The following SLC4A4 variants were observed in gnomAD, a reference collection of about 807,000 sequenced individuals.
SLC4A4 encodes electrogenic sodium bicarbonate cotransporter 1.
A neutral mutation model predicts 111.5 loss-of-function variants in SLC4A4; 27 were observed. That is an observed-to-expected ratio of 0.24 (90% CI 0.18 to 0.33). The LOEUF is 0.33. Among genes scored for constraint, SLC4A4 ranks in the 10% least tolerant of loss-of-function variants. SLC4A4 has a pLI of 1.00. For synonymous variants in SLC4A4, 443 were observed against 463.4 expected (o/e 0.96, Z 0.57); for missense variants, 909 against 1,315.5 (o/e 0.69, Z 4.78).
intron 7 of SLC4A4, among the ~76,000 whole-genome samples, chr4:71,420,018 G>C (rs554985087): frequency 6.6e-6 from 1 of 152,186 alleles, no homozygotes; most frequent in African/African-American, 2.4e-5. Flanking sequence ...AGAGAAGAAG[G>C]CTTCAGACGA....
intron 2 of SLC4A4, among the ~76,000 whole-genome samples, chr4:71,179,324 T>C (rs1745207280): frequency 6.6e-6 from 1 of 152,152 alleles, no homozygotes; most frequent in Non-Finnish European, 1.5e-5. Flanking sequence ...TCACCACTCC[T>C]ATTCAACATA....
At chr4:71,420,232 A>G (rs1722305711) in intron 7 of SLC4A4, among the ~76,000 whole-genome samples, 1 of 152,228 alleles carries the variant, frequency 6.6e-6, no homozygotes, top group African/African-American at 2.4e-5. Flanking sequence ...AAGAAAGGGT[A>G]TCAGTGATGG....
chr4:71,439,126 A>G (rs373176672), intron 7 of SLC4A4, among the ~76,000 whole-genome samples: 12 of 152,124 alleles, frequency 7.9e-5, no homozygotes, highest in Middle Eastern at 6.8e-3. Context: ...GTCCACTGTA[A>G]CAGCTCTTGT....
intron 18 of SLC4A4, among the ~76,000 whole-genome samples, chr4:71,536,485 T>TATATATATATATATATATATATA (rs760037325): frequency 1.2e-5 from 1 of 84,032 alleles, no homozygotes; most frequent in African/African-American, 5.0e-5. Context: ...TATATATATA[T>TATATATATATATATATATATATA]ATGTATATAT....
At chr4:71,467,757 A>G (rs1727508853) in intron 13 of SLC4A4, among the ~76,000 whole-genome samples, 1 of 152,132 alleles carries the variant, frequency 6.6e-6, no homozygotes, top group Non-Finnish European at 1.5e-5. Flanking sequence ...TTCAAAATCA[A>G]ATTGGGTATT....
chr4:71,130,406 T>G (rs1341308119), intron 2 of SLC4A4, among the ~76,000 whole-genome samples: 1 of 152,116 alleles, frequency 6.6e-6, no homozygotes, highest in Admixed American at 6.5e-5. Context: ...TTAATTTTGT[T>G]TTTTAAATTT....
chr4:71,140,225 G>T (rs1304709165), intron 2 of SLC4A4, among the ~76,000 whole-genome samples: 2 of 152,166 alleles, frequency 1.3e-5, no homozygotes, highest in African/African-American at 2.4e-5. Flanking sequence ...TTCAAGACCA[G>T]CCTGGGCAAC....
At chr4:71,480,956 A>G (rs1461972941) in intron 14 of SLC4A4, among the ~76,000 whole-genome samples, 3 of 151,796 alleles carry the variant, frequency 2.0e-5, no homozygotes, top group Non-Finnish European at 4.4e-5. Flanking sequence ...CCCAGGGACA[A>G]GGTCTGCTTT....
At chr4:71,140,842 A>T (rs945620170) in intron 2 of SLC4A4, among the ~76,000 whole-genome samples, 1 of 152,086 alleles carries the variant, frequency 6.6e-6, no homozygotes, top group Non-Finnish European at 1.5e-5. Flanking sequence ...GATTGCAAAG[A>T]CTCCTAAGCT....
At chr4:71,450,837 A>G (rs760473267) in intron 10 of SLC4A4, among the ~76,000 whole-genome samples, 4 of 152,242 alleles carry the variant, frequency 2.6e-5, no homozygotes, top group African/African-American at 7.2e-5. Flanking sequence ...GACCCCCTGT[A>G]TATCTGGAAA....
Position 71,255,202 on chromosome 4 carries a change from T to C in SLC4A4, c.74-18T>C, listed in dbSNP as rs779490105. On this transcript the variant is annotated intron_variant, in intron 2 of 25. Transcript: ENST00000264485. ...GAATGTGGTTTGAACTGACTGGTGA[T>C]TTGTGTACCTTCCTTAGGCCACCAT... The C allele has an allele frequency of 6.2e-7, 1 of 1,612,462 alleles. No individual in the cohort carries two copies. Among genetic ancestry groups the C allele is most frequent in the Non-Finnish European group, 8.5e-7 (1 of 1,178,732 alleles).
At chr4:71,530,521 T>G (rs1419148950) in intron 16 of SLC4A4, among the ~76,000 whole-genome samples, 5 of 152,176 alleles carry the variant, frequency 3.3e-5, no homozygotes, top group Admixed American at 3.3e-4. Context: ...CTATTGGTTC[T>G]TAACATTATT....
intron 1 of SLC4A4, among the ~76,000 whole-genome samples, chr4:71,201,471 G>A (rs1218835520): frequency 6.6e-6 from 1 of 152,220 alleles, no homozygotes; most frequent in Non-Finnish European, 1.5e-5. Context: ...CTGCAGGGGA[G>A]ATCTGGGCTG....
chr4:71,447,893 G>A (rs895282171), intron 9 of SLC4A4, among the ~76,000 whole-genome samples, 160 bp downstream of exon 9: 3 of 152,076 alleles, frequency 2.0e-5, no homozygotes, highest in African/African-American at 7.2e-5. Context: ...AATCCTATAT[G>A]GTTTGCAAAA....
At chr4:71,496,463 T>A (rs531455922) in intron 15 of SLC4A4, among the ~76,000 whole-genome samples, 2 of 152,174 alleles carry the variant, frequency 1.3e-5, no homozygotes, top group African/African-American at 4.8e-5. Flanking sequence ...AAATTGTGCG[T>A]AGAGTTGCTC....
intron 16 of SLC4A4, among the ~76,000 whole-genome samples, chr4:71,521,028 A>G (rs1560583337): frequency 6.6e-6 from 1 of 152,090 alleles, no homozygotes; most frequent in African/African-American, 2.4e-5. Flanking sequence ...GGTCTGATCA[A>G]AATTTTAAAG....
At chr4:71,193,371 G>A (rs973446496) in intron 1 of SLC4A4, among the ~76,000 whole-genome samples, 5 of 152,190 alleles carry the variant, frequency 3.3e-5, no homozygotes, top group Middle Eastern at 3.2e-3. Flanking sequence ...GTGTTAGCCA[G>A]GATGGTCTCG....
At chr4:71,166,209 C>T (rs1744740532) in intron 2 of SLC4A4, among the ~76,000 whole-genome samples, 1 of 152,162 alleles carries the variant, frequency 6.6e-6, no homozygotes, top group African/African-American at 2.4e-5. Flanking sequence ...TGTACTCACC[C>T]ATATGAAGGA....
At chr4:71,370,282 TATGGGTGATGCCTTACTG>T (rs1731740290) in intron 6 of SLC4A4, among the ~76,000 whole-genome samples, 1 of 152,194 alleles carries the variant, frequency 6.6e-6, no homozygotes, top group Non-Finnish European at 1.5e-5. Flanking sequence ...ACTATAATTT[TATGGGTGATGCCTTACTG>T]AAGTTAAAGT....
Sources: allele counts gnomAD v4.1 joint callset (sites outside exome capture counted in the v4.1 genomes callset), GRCh38; gene constraint gnomAD v4.1.1; transcripts MANE v1.5; gene names NCBI Gene and HGNC (gene_info 2026-07-23, HGNC 2026-07-21).